The following PLCB1 variants were observed in gnomAD, a reference collection of about 807,000 sequenced individuals.
PLCB1 encodes the protein 1-phosphatidylinositol 4,5-bisphosphate phosphodiesterase beta-1.
A neutral mutation model predicts 161.8 loss-of-function variants in PLCB1; 46 were observed. The ratio of observed to expected loss-of-function variants is 0.28; its 90% confidence interval spans 0.22 to 0.36. The LOEUF (loss-of-function observed/expected upper bound fraction) is 0.36, where lower values mean the gene tolerates loss of function less well. Among genes scored for constraint, PLCB1 ranks in the 10% least tolerant of loss-of-function variants. The probability of loss-of-function intolerance (pLI) is 1.00; values close to 1 mark genes in which losing one functional copy is unlikely to be tolerated. For synonymous variants in PLCB1, 517 were observed against 503.7 expected, an observed-to-expected ratio of 1.03 and a Z score of -0.35; for missense variants, 1,016 against 1,472.5, an observed-to-expected ratio of 0.69 and a Z score of 5.07.
chr20:8,728,703 T>C (rs1018719341), intron 17 of PLCB1, among the ~76,000 whole-genome samples: 1 of 152,074 alleles, frequency 6.6e-6, no homozygotes, highest in African/African-American at 2.4e-5. Context: ...TGACTTTGGC[T>C]CAGCCACTTT....
intron 3 of PLCB1, among the ~76,000 whole-genome samples, chr20:8,572,266 A>ACCCTACCAGCCTTCTGTACCTTCAG (rs1986547299): frequency 6.6e-6 from 1 of 152,170 alleles, no homozygotes. Flanking sequence ...ATACATGAAC[A>ACCCTACCAGCCTTCTGTACCTTCAG]CCCTACCAGC....
At chr20:8,283,790 G>A (rs1982988913) in intron 2 of PLCB1, among the ~76,000 whole-genome samples, 1 of 151,772 alleles carries the variant, frequency 6.6e-6, no homozygotes, top group South Asian at 2.1e-4. Context: ...GTTAACAAAT[G>A]GCCTCTTATT....
At chr20:8,759,863 TTC>T (rs1981925798) in intron 24 of PLCB1, among the ~76,000 whole-genome samples, 1 of 151,850 alleles carries the variant, frequency 6.6e-6, no homozygotes, top group Non-Finnish European at 1.5e-5. Context: ...CTTTTCTCTT[TTC>T]TCTCGTTATA....
intron 2 of PLCB1, among the ~76,000 whole-genome samples, chr20:8,229,203 T>C (rs2123179151): frequency 6.6e-6 from 1 of 152,040 alleles, no homozygotes; most frequent in South Asian, 2.1e-4. Flanking sequence ...AATATTACTA[T>C]AAAACATAAT....
chr20:8,555,984 T>TA (rs961896310), intron 3 of PLCB1, among the ~76,000 whole-genome samples: 6 of 151,866 alleles, frequency 4.0e-5, no homozygotes, highest in African/African-American at 1.5e-4. Flanking sequence ...AGAAATGATT[T>TA]TTTTTAATGA....
intron 2 of PLCB1, among the ~76,000 whole-genome samples, chr20:8,180,148 G>A (rs931006226): frequency 8.6e-5 from 13 of 152,030 alleles, no homozygotes; most frequent in South Asian, 2.1e-4. Context: ...GTGAGCCACC[G>A]CGCCCGGCCT....
intron 19 of PLCB1, among the ~76,000 whole-genome samples, chr20:8,734,883 G>C (rs913570822): frequency 3.9e-5 from 6 of 152,086 alleles, no homozygotes; most frequent in African/African-American, 1.2e-4. Context: ...TTCTATAACA[G>C]CTTCACTAAT....
chr20:8,443,312 CTG>C (rs932303344), intron 3 of PLCB1, among the ~76,000 whole-genome samples: 2 of 152,138 alleles, frequency 1.3e-5, no homozygotes, highest in African/African-American at 2.4e-5. Context: ...TGGCAGTTGA[CTG>C]TGGGTCCTAA....
At chr20:8,817,314 A>G (rs1985127913) in intron 31 of PLCB1, among the ~76,000 whole-genome samples, 1 of 152,340 alleles carries the variant, frequency 6.6e-6, no homozygotes, top group East Asian at 1.9e-4. Context: ...GCTGTCCTTT[A>G]TCTTGAAGGT....
rs6055795 is a variant in PLCB1 at position 8,402,003 on chromosome 20, T to A, written c.246+30553T>A. Among the ~76,000 whole-genome samples the A allele has an allele frequency of 2.1e-3, 316 of 152,344 alleles. 1 individual carries two copies. The highest frequency in any genetic ancestry group is 7.3e-3 in the African/African-American group (302 of 41,572). On this transcript the variant is annotated intron_variant, in intron 3 of 31. Transcript: ENST00000338037. Reference sequence around the variant, plus strand: ...CTATTTTTTTCTCATTGATTTGGAATGCTATCTTGGTTATACACTGAAAGC... The same window carrying A: ...CTATTTTTTTCTCATTGATTTGGAAAGCTATCTTGGTTATACACTGAAAGC...
chr20:8,191,125 CTTATTTT>C (rs750910527), intron 2 of PLCB1, among the ~76,000 whole-genome samples: 35 of 151,782 alleles, frequency 2.3e-4, no homozygotes, highest in East Asian at 5.8e-4. Flanking sequence ...GACATAATTT[CTTATTTT>C]TTATTTTTTA....
intron 3 of PLCB1, among the ~76,000 whole-genome samples, chr20:8,563,393 T>C (rs1295731420): frequency 6.6e-6 from 1 of 151,922 alleles, no homozygotes; most frequent in Non-Finnish European, 1.5e-5. Flanking sequence ...GACCCCATCA[T>C]CTCTCTCCTC....
chr20:8,478,661 G>A lies in PLCB1; in HGVS notation c.246+107211G>A, dbSNP rs182106003. Among the ~76,000 whole-genome samples, 12 of 152,210 alleles carry A rather than the reference G, an allele frequency of 7.9e-5. No homozygotes were observed. The East Asian group carries it at 2.1e-3, about 27-fold the overall frequency. On this transcript the variant is annotated intron_variant, in intron 3 of 31. Coordinates refer to ENST00000338037, the MANE Select transcript of PLCB1 (RefSeq NM_015192.4). ...AGAAATTCTTCTTATTCTAATTAAG[G>A]AAGGTAGCTTTGAAAACAAGCATAT...
intron 3 of PLCB1, among the ~76,000 whole-genome samples, chr20:8,437,921 A>G (rs891382643): frequency 6.6e-6 from 1 of 152,178 alleles, no homozygotes; most frequent in Non-Finnish European, 1.5e-5. Context: ...TTGCCAATAA[A>G]TGATACTGAG....
chr20:8,654,360 T>C (rs895494790), intron 7 of PLCB1, among the ~76,000 whole-genome samples: 5 of 152,032 alleles, frequency 3.3e-5, no homozygotes, highest in Admixed American at 2.6e-4. Context: ...GCGTTTTGTA[T>C]TGGGTGCCTG....
chr20:8,594,305 A>C (rs1317976545), intron 3 of PLCB1, among the ~76,000 whole-genome samples: 3 of 152,148 alleles, frequency 2.0e-5, no homozygotes, highest in Non-Finnish European at 4.4e-5. Flanking sequence ...CCTCCTGAAA[A>C]TTCTGTCTGG....
At chr20:8,605,084 C>T (rs1451637379) in intron 3 of PLCB1, among the ~76,000 whole-genome samples, 1 of 151,940 alleles carries the variant, frequency 6.6e-6, no homozygotes, top group East Asian at 1.9e-4. Flanking sequence ...CTATTATAGA[C>T]ATAATACATT....
intron 3 of PLCB1, among the ~76,000 whole-genome samples, chr20:8,428,224 AT>A (rs5840267): frequency 0.47 from 69,818 of 148,726 alleles, 16,555 homozygotes; most frequent in African/African-American, 0.52. Context: ...CAGGGTTTTC[AT>A]TTTTTTTTTT....
intron 3 of PLCB1, among the ~76,000 whole-genome samples, chr20:8,573,284 A>G (rs1295681984): frequency 6.6e-6 from 1 of 152,178 alleles, no homozygotes; most frequent in Non-Finnish European, 1.5e-5. Flanking sequence ...AAGGAGGACA[A>G]ACATTCAAGT....
Sources: allele counts gnomAD v4.1 joint callset (sites outside exome capture counted in the v4.1 genomes callset), GRCh38; gene constraint gnomAD v4.1.1; transcripts MANE v1.5; gene names NCBI Gene and HGNC (gene_info 2026-07-23, HGNC 2026-07-21).